The following TPD52L1 variants were observed in gnomAD, a reference collection of about 807,000 sequenced individuals.
TPD52L1 encodes tumor protein D53.
TPD52L1 carries 18 observed loss-of-function variants against 28.7 expected under a neutral mutation model. The ratio of observed to expected loss-of-function variants is 0.63; its 90% CI spans 0.43 to 0.93. TPD52L1 has a LOEUF of 0.93. Ranked by LOEUF, TPD52L1 falls within the 40% of genes least tolerant of loss-of-function variation. The pLI, the probability that TPD52L1 is intolerant of heterozygous loss-of-function variation, is 0.00. For missense variants in TPD52L1, 203 were observed against 254.8 expected (o/e 0.80, Z 1.39); for synonymous variants, 75 against 88.8 (o/e 0.84, Z 0.88).
At chr6:125,226,663 C>A (rs1402702702) in intron 2 of TPD52L1, among the ~76,000 whole-genome samples, 5 of 151,518 alleles carry the variant, frequency 3.3e-5, no homozygotes, top group Non-Finnish European at 5.9e-5. Context: ...ACTCAATATA[C>A]CCCCACCCCC....
At chr6:125,158,438 A>G (rs1790287005) in intron 1 of TPD52L1, among the ~76,000 whole-genome samples, 1 of 152,180 alleles carries the variant, frequency 6.6e-6, no homozygotes, top group African/African-American at 2.4e-5. Context: ...TATACTTTAT[A>G]CCTTACATTA....
intron 1 of TPD52L1, among the ~76,000 whole-genome samples, chr6:125,167,942 A>G (rs548520549): frequency 6.6e-6 from 1 of 152,334 alleles, no homozygotes; most frequent in East Asian, 1.9e-4. Flanking sequence ...GACATACTTT[A>G]GAAAAGAATT....
intron 2 of TPD52L1, among the ~76,000 whole-genome samples, chr6:125,227,335 TG>T (rs3842119): frequency 0.048 from 7,244 of 152,284 alleles, 199 homozygotes; most frequent in East Asian, 0.079. Flanking sequence ...AGTGAAAGAC[TG>T]GGGGGTTTTA....
intron 4 of TPD52L1, among the ~76,000 whole-genome samples, chr6:125,250,710 T>C (rs9491339): frequency 0.15 from 22,984 of 152,166 alleles, 2,122 homozygotes; most frequent in East Asian, 0.3. Context: ...ACTAATTGGG[T>C]ACAATGTCAA....
intron 1 of TPD52L1, among the ~76,000 whole-genome samples, chr6:125,172,553 A>T (rs1276551669): frequency 6.3e-5 from 4 of 63,272 alleles, no homozygotes; most frequent in Non-Finnish European, 1.1e-4. Context: ...TATATATATA[A>T]TATATATACT....
intron 5 of TPD52L1, among the ~76,000 whole-genome samples, chr6:125,256,091 G>C (rs1797579791): frequency 6.6e-6 from 1 of 152,176 alleles, no homozygotes; most frequent in Admixed American, 6.5e-5. Flanking sequence ...GCTCACGCCT[G>C]TAATCCCAGC....
At chr6:125,232,659 A>G (rs907942673) in intron 3 of TPD52L1, among the ~76,000 whole-genome samples, 8 of 152,210 alleles carry the variant, frequency 5.3e-5, no homozygotes, top group African/African-American at 1.7e-4. Flanking sequence ...AAGAAAATCT[A>G]TGGTATGTTA....
intron 2 of TPD52L1, among the ~76,000 whole-genome samples, chr6:125,226,833 T>C (rs1004212448): frequency 6.6e-6 from 1 of 152,054 alleles, no homozygotes; most frequent in Non-Finnish European, 1.5e-5. Flanking sequence ...GGGCAGCAGA[T>C]TAAATGGAGG....
intron 1 of TPD52L1, among the ~76,000 whole-genome samples, chr6:125,199,089 C>T (rs1241850049): frequency 2.6e-5 from 4 of 152,212 alleles, no homozygotes; most frequent in African/African-American, 4.8e-5. Context: ...CTAAACCTTG[C>T]TATGAAACAA....
chr6:125,221,521 A>G (rs759216539), intron 2 of TPD52L1, among the ~76,000 whole-genome samples: 4 of 152,150 alleles, frequency 2.6e-5, no homozygotes, highest in Non-Finnish European at 5.9e-5. Flanking sequence ...TAACTGACCA[A>G]TTTCTATAAA....
At chr6:125,248,421 C>T in intron 4 of TPD52L1, 38 bp downstream of exon 4, 3 of 1,531,422 alleles carry the variant, frequency 2.0e-6, no homozygotes. Flanking sequence ...GCGCTAAGCC[C>T]TTGGCTTTCC....
At chr6:125,226,713 C>G (rs1164712053) in intron 2 of TPD52L1, among the ~76,000 whole-genome samples, 2 of 151,226 alleles carry the variant, frequency 1.3e-5, no homozygotes, top group African/African-American at 4.9e-5. Context: ...TTCAGTCACT[C>G]TAAATGAAAG....
chr6:125,184,880 A>G (rs990483533), intron 1 of TPD52L1, among the ~76,000 whole-genome samples: 3 of 152,228 alleles, frequency 2.0e-5, no homozygotes, highest in Admixed American at 6.5e-5. Flanking sequence ...CACCATTGCT[A>G]CATTAAAATG....
At chr6:125,253,610 A>G in intron 4 of TPD52L1, 107 bp from the exon 5 acceptor site, 1 of 996,778 alleles carries the variant, frequency 1.0e-6, no homozygotes, top group South Asian at 1.4e-5. Context: ...AATATTTCAG[A>G]TATTTGGAAT....
At chr6:125,193,118 G>T (rs1793168740) in intron 1 of TPD52L1, among the ~76,000 whole-genome samples, 1 of 152,090 alleles carries the variant, frequency 6.6e-6, no homozygotes, top group African/African-American at 2.4e-5. Context: ...GTGATGACTG[G>T]GATCACTCTG....
In TPD52L1 at chr6:125,229,195, C is replaced by T. The variant is rs201585048; in HGVS notation, c.213C>T (p.Leu71=). 157 of 1,613,452 alleles carry T rather than the reference C, an allele frequency of 9.7e-5. No homozygotes were observed. Among genetic ancestry groups the T allele is most frequent in the Admixed American group, 1.3e-4 (8 of 59,914 alleles). The part of the protein sequence containing the change: ...ERHLVEIKQK[L]GMNLMNELKQ... ...ATCTAGTTGAGATAAAACAAAAACT[C>T]GGCATGAACCTGATGAATGAATTAA... is the stretch of plus-strand genomic sequence containing the variant. Residue 71 remains leucine, a synonymous_variant, in exon 3 of 7, where the codon CTC becomes CTT. Transcript: ENST00000534000.
chr6:125,226,412 G>A (rs556981491), intron 2 of TPD52L1, among the ~76,000 whole-genome samples: 2 of 152,050 alleles, frequency 1.3e-5, no homozygotes, highest in East Asian at 3.9e-4. Context: ...GCTTTTGGGG[G>A]ATGAAGATTT....
At chr6:125,154,672 G>A (rs73571758) in intron 1 of TPD52L1, 4,411 of 285,090 alleles carry the variant, frequency 0.015, 38 homozygotes, top group African/African-American at 0.035. Flanking sequence ...CTCATATCTT[G>A]GGGTCACACT....
intron 1 of TPD52L1, among the ~76,000 whole-genome samples, chr6:125,182,970 T>G (rs1202290928): frequency 6.6e-6 from 1 of 152,228 alleles, no homozygotes; most frequent in African/African-American, 2.4e-5. Context: ...CACAGTATTA[T>G]AAACTGTGAG....
Sources: gnomAD v4.1 joint callset for allele counts (sites outside exome capture counted in the v4.1 genomes callset) on GRCh38, gnomAD v4.1.1 for gene constraint, MANE v1.5 for transcripts, NCBI Gene and HGNC (gene_info 2026-07-23, HGNC 2026-07-21) for gene names.